The following TMEM132D variants were observed in gnomAD, a reference collection of about 807,000 sequenced individuals.
The protein encoded by TMEM132D is transmembrane protein 132D.
TMEM132D carries 21 observed loss-of-function variants against 62.3 expected under a neutral mutation model. The observed-to-expected ratio is 0.34, with a 90% confidence interval of 0.24 to 0.49. The LOEUF is 0.49. TMEM132D is among the 20% of genes least tolerant of loss of function. TMEM132D has a pLI of 0.99. For missense variants in TMEM132D, 1,346 were observed against 1,402.8 expected (o/e 0.96, Z 0.65); for synonymous variants, 621 against 575.6 (o/e 1.08, Z -1.13).
chr12:129,609,241 G>A (rs768706683), intron 2 of TMEM132D, among the ~76,000 whole-genome samples: 1 of 152,182 alleles, frequency 6.6e-6, no homozygotes, highest in Non-Finnish European at 1.5e-5. Context: ...CACCATGCCT[G>A]GCCAAGTTGT....
In TMEM132D at chr12:129,687,737, T is replaced by TAGGG. The variant is rs1190320068; in HGVS notation, c.968+12069_968+12072dup. 3.3e-5 allele frequency among the ~76,000 whole-genome samples: 5 copies of TAGGG among 152,234 alleles called. No individual in the cohort carries two copies. The East Asian group carries it at 7.7e-4, about 24-fold the overall frequency. ...AAACTCAGTTTAGGCTTCCGAGGTC[T>TAGGG]AGGGAGCAGTTTTGGGTCCTGCTTG... is the stretch of plus-strand genomic sequence containing the variant. On this transcript the variant is annotated intron_variant, in intron 2 of 8. Transcript: ENST00000422113.
intron 2 of TMEM132D, among the ~76,000 whole-genome samples, chr12:129,543,427 C>G (rs961704221): frequency 1.3e-5 from 2 of 151,916 alleles, no homozygotes; most frequent in African/African-American, 4.8e-5. Context: ...GATAGATATT[C>G]CTCAACTTAT....
intron 2 of TMEM132D, among the ~76,000 whole-genome samples, chr12:129,604,457 G>A (rs1044354734): frequency 5.3e-5 from 8 of 152,088 alleles, no homozygotes; most frequent in Admixed American, 2.0e-4. Context: ...TAAACATCCC[G>A]GTGCAGGTTA....
At chr12:129,434,233 C>T (rs961528877) in intron 3 of TMEM132D, among the ~76,000 whole-genome samples, 2 of 152,108 alleles carry the variant, frequency 1.3e-5, no homozygotes. Context: ...GATTTCTCCC[C>T]CTAATGAATG....
chr12:129,416,660 G>A (rs1395395678), intron 3 of TMEM132D, among the ~76,000 whole-genome samples: 3 of 152,132 alleles, frequency 2.0e-5, no homozygotes, highest in African/African-American at 4.8e-5. Context: ...TCCAGTTTTT[G>A]CCCATTCAAT....
intron 4 of TMEM132D, among the ~76,000 whole-genome samples, chr12:129,295,427 CTTTT>C (rs556748373): frequency 1.6e-5 from 2 of 123,020 alleles, no homozygotes; most frequent in African/African-American, 3.1e-5. Context: ...TCATATTAGC[CTTTT>C]TTTTTTTTTT....
intron 1 of TMEM132D, among the ~76,000 whole-genome samples, chr12:129,847,226 T>A (rs376444479): frequency 3.5e-4 from 53 of 152,330 alleles, no homozygotes; most frequent in African/African-American, 1.3e-3. Flanking sequence ...GACTGGCCCA[T>A]CTTCCTGGGC....
At chr12:129,231,451 T>C (rs1386739521) in intron 4 of TMEM132D, among the ~76,000 whole-genome samples, 1 of 152,226 alleles carries the variant, frequency 6.6e-6, no homozygotes, top group Non-Finnish European at 1.5e-5. Context: ...AAGCTAGAGG[T>C]ATAAAATGTG....
chr12:129,151,978 A>G lies in TMEM132D; in HGVS notation c.1443+57542T>C, dbSNP rs140501614. ...CTGCAACCTCTCCCTCCTGGGTTCA[A>G]ACGATTCTCCTGCCTCAGCCTCCCA... On this transcript the variant is annotated intron_variant, in intron 5 of 8. Transcript: ENST00000422113. 4.6e-3 allele frequency among the ~76,000 whole-genome samples: 703 copies of G among 151,580 alleles called. 3 individuals carry two copies. The highest frequency in any genetic ancestry group is 0.016 in the African/African-American group (672 of 41,294).
At chr12:129,269,968 T>C (rs1368257743) in intron 4 of TMEM132D, among the ~76,000 whole-genome samples, 1 of 151,994 alleles carries the variant, frequency 6.6e-6, no homozygotes, top group Non-Finnish European at 1.5e-5. Context: ...TTCCATCTGA[T>C]GGGTGAGTGA....
At chr12:129,240,744 A>C (rs1280878048) in intron 4 of TMEM132D, among the ~76,000 whole-genome samples, 1 of 152,150 alleles carries the variant, frequency 6.6e-6, no homozygotes, top group Non-Finnish European at 1.5e-5. Context: ...CTAATTCCTA[A>C]GGCACTGAGA....
chr12:129,163,032 T>G (rs1287238968), intron 5 of TMEM132D, among the ~76,000 whole-genome samples: 1 of 152,126 alleles, frequency 6.6e-6, no homozygotes, highest in Non-Finnish European at 1.5e-5. Context: ...GCAGGGAACC[T>G]CCGACACCAC....
At chr12:129,872,778 C>T (rs1023659314) in intron 1 of TMEM132D, among the ~76,000 whole-genome samples, 2 of 152,124 alleles carry the variant, frequency 1.3e-5, no homozygotes, top group Admixed American at 6.5e-5. Flanking sequence ...ACCGTCCATG[C>T]GTGAATGAGT....
chr12:129,089,916 C>G (rs1347760376), intron 5 of TMEM132D, among the ~76,000 whole-genome samples: 1 of 152,224 alleles, frequency 6.6e-6, no homozygotes, highest in African/African-American at 2.4e-5. Flanking sequence ...CCTGAGGGCT[C>G]TCTTGCAGTC....
At chr12:129,571,855 GT>G (rs77615953) in intron 2 of TMEM132D, among the ~76,000 whole-genome samples, 14 of 151,510 alleles carry the variant, frequency 9.2e-5, no homozygotes, top group South Asian at 2.1e-4. Flanking sequence ...ATAAGGAAAA[GT>G]TTTTTTTTAA....
At position 129,372,730 on chromosome 12, in the gene TMEM132D, G is replaced by A. The variant is rs116387027; in HGVS notation, c.1116-34913C>T. On this transcript the variant is annotated intron_variant, in intron 3 of 8. Transcript: ENST00000422113. ...GCCTGATGATCTGTCACTGTCTCCT[G>A]TCTCCCCCAGATGGGACCATCTAGT... is the stretch of plus-strand genomic sequence containing the variant. Among the ~76,000 whole-genome samples, 368 of 151,932 alleles carry A rather than the reference G, an allele frequency of 2.4e-3. 4 individuals carry two copies. Among genetic ancestry groups the A allele is most frequent in the African/African-American group, 8.4e-3 (346 of 41,414 alleles).
At chr12:129,097,175 G>A (rs1308575748) in intron 5 of TMEM132D, among the ~76,000 whole-genome samples, 1 of 152,228 alleles carries the variant, frequency 6.6e-6, no homozygotes, top group Non-Finnish European at 1.5e-5. Flanking sequence ...CTGCTGAGCA[G>A]CACCCCTGGC....
intron 1 of TMEM132D, among the ~76,000 whole-genome samples, chr12:129,869,536 T>C (rs1265649947): frequency 6.6e-6 from 1 of 152,230 alleles, no homozygotes; most frequent in Non-Finnish European, 1.5e-5. Flanking sequence ...TGCATTTTTA[T>C]TGTTATATTG....
chr12:129,193,425 A>T (rs1878464798), intron 5 of TMEM132D, among the ~76,000 whole-genome samples: 1 of 152,182 alleles, frequency 6.6e-6, no homozygotes. Flanking sequence ...CAGGCAGGTT[A>T]GAAACCCAGA....
Sources: allele counts gnomAD v4.1 joint callset (sites outside exome capture counted in the v4.1 genomes callset), GRCh38; gene constraint gnomAD v4.1.1; transcripts MANE v1.5; gene names NCBI Gene and HGNC (gene_info 2026-07-23, HGNC 2026-07-21).